Variants in SYNE1 observed in about 807,000 individuals in gnomAD.
SYNE1 encodes the protein spectrin repeat containing nuclear envelope protein 1.
A neutral mutation model predicts 1,111.0 loss-of-function variants in SYNE1; 616 were observed. The ratio of observed to expected loss-of-function variants is 0.55; its 90% CI spans 0.52 to 0.59. The LOEUF (loss-of-function observed/expected upper bound fraction) is 0.59, where lower values mean the gene tolerates loss of function less well. SYNE1 is among the 20% of genes least tolerant of loss of function. The pLI is 0.00. For missense variants in SYNE1, 10,006 were observed against 10,417.0 expected (o/e 0.96, Z 1.72); for synonymous variants, 3,855 against 3,825.8 (o/e 1.01, Z -0.28).
intron 23 of SYNE1, 113 bp from the exon 24 acceptor site, chr6:152,455,703 T>C (rs1016729151): frequency 4.1e-6 from 6 of 1,454,514 alleles, no homozygotes; most frequent in Non-Finnish European, 5.7e-6. Context: ...CATTTCATCA[T>C]CATGGGAATA....
chr6:152,220,234 G>A (rs571966552), intron 119 of SYNE1, among the ~76,000 whole-genome samples: 5 of 152,168 alleles, frequency 3.3e-5, no homozygotes, highest in East Asian at 1.9e-4. Context: ...AAAGATCCTC[G>A]TAACAAGCTC....
At chr6:152,207,083 C>T (rs1587816398) in intron 125 of SYNE1, among the ~76,000 whole-genome samples, 1 of 152,106 alleles carries the variant, frequency 6.6e-6, no homozygotes, top group African/African-American at 2.4e-5. Flanking sequence ...GGCAAGAAAT[C>T]GCGAGCACCT....
At chr6:152,414,362 T>C (rs1289481167) in intron 41 of SYNE1, among the ~76,000 whole-genome samples, 1 of 152,052 alleles carries the variant, frequency 6.6e-6, no homozygotes, top group South Asian at 2.1e-4. Flanking sequence ...TGAGCCATGA[T>C]TGCAACACTG....
intron 58 of SYNE1, chr6:152,376,069 C>T (rs2097275308): frequency 3.7e-6 from 1 of 270,706 alleles, no homozygotes; most frequent in African/African-American, 2.2e-5. Context: ...CGGGATGAAA[C>T]TGTTCTACCT....
In SYNE1 at chr6:152,326,386, T is replaced by C. The variant is rs1159849353; in HGVS notation, c.15203A>G (p.Lys5068Arg). The C allele has an allele frequency of 1.2e-6, 2 of 1,614,072 alleles. No homozygotes were observed. Among genetic ancestry groups the C allele is most frequent in the Non-Finnish European group, 1.7e-6 (2 of 1,180,036 alleles). The change falls in exon 79 of 146, where the codon AAA (lysine) becomes AGA (arginine). Residue 5068 changes from lysine to arginine, a missense_variant. Physicochemically the swap from Lys to Arg is conservative, Grantham distance 26. Around this residue, in one of 7 missense-constraint regions of SYNE1, gnomAD observed 4,955 missense variants for 5,017.2 expected, o/e 0.99. Transcript: ENST00000367255. ...TLDPLIKPTG[K>R]EDLEQKVASL... ...AGCCACTTTCTGTTCTAGGTCTTCT[T>C]TGCCGGTTGGCTTGATGAGTGGGTC...
In SYNE1 at chr6:152,396,873, T is replaced by C. The variant is rs139070088; in HGVS notation, c.7458A>G (p.Gln2486=). 1,278 of 1,614,236 alleles carry C rather than the reference T, an allele frequency of 7.9e-4. No individual in the cohort carries two copies. Among genetic ancestry groups the C allele is most frequent in the Non-Finnish European group, 9.8e-4 (1,151 of 1,180,030 alleles). ...HLSKQIVSSI[Q]EQITKANEEF... Reference sequence around the variant, plus strand: ...CTTCATTGGCCTTTGTGATTTGTTCTTGAATGCTACTGACAATTTGTTTAG... The same window carrying C: ...CTTCATTGGCCTTTGTGATTTGTTCCTGAATGCTACTGACAATTTGTTTAG... Residue 2486 remains glutamine (Q), a synonymous_variant, in exon 50 of 146, where the codon CAA becomes CAG. Transcript: ENST00000367255.
chr6:152,465,310 G>A lies in SYNE1; in HGVS notation c.1880C>T (p.Ala627Val). ...CATTTTTTCAGCATCCTCTAGCCAG[G>A]CTTGCAGACTAGCCACTGTATTGCC... The part of the protein sequence containing the change: ...RYGNTVASLQ[A>V]WLEDAEKMLN... The change falls in exon 18 of 146, where the codon GCC (alanine) becomes GTC (valine). Residue 627 changes from alanine (A) to valine (V), a missense_variant. Transcript: ENST00000367255. The A allele has an allele frequency of 6.2e-7, 1 of 1,613,724 alleles. No individual in the cohort carries two copies. Among genetic ancestry groups the A allele is most frequent in the South Asian group, 1.1e-5 (1 of 91,072 alleles).
chr6:152,326,517 G>A lies in SYNE1; in HGVS notation c.15072C>T (p.Asp5024=), dbSNP rs772100783. ...ELLQLAGNGL[D]VESAEENLKS... ...TGAGATTTTCCTCTGCGCTCTCCAC[G>A]TCTAGGCCATTGCCTGCCAGCTGTA... is the stretch of plus-strand genomic sequence containing the variant. Residue 5024 remains aspartate (D), a synonymous_variant, in exon 79 of 146, where the codon GAC becomes GAT. Coordinates refer to ENST00000367255, the MANE Select transcript of SYNE1 (RefSeq NM_182961.4). 2.4e-5 allele frequency: 39 copies of A among 1,614,028 alleles called. No homozygotes were observed. The highest frequency in any genetic ancestry group is 8.9e-5 in the East Asian group (4 of 44,880).
chr6:152,428,356 T>TCGCG lies in SYNE1; in HGVS notation c.4821_4824dup (p.Ile1609ArgfsTer68). 2 of 1,614,000 alleles carry TCGCG rather than the reference T, an allele frequency of 1.2e-6. No individual in the cohort carries two copies. On this transcript the variant is annotated frameshift_variant, in exon 37 of 146. Coordinates refer to ENST00000367255, the MANE Select transcript of SYNE1 (RefSeq NM_182961.4). LOFTEE classifies it high-confidence loss of function. ...CTGGCACTGGCTGAGAAGGCAGTGA[T>TCGCG]CGCGCTGCTCAGTGACTCCAGGGCC...
At chr6:152,253,817 G>GTTT (rs1491115589) in intron 104 of SYNE1, among the ~76,000 whole-genome samples, 3,284 of 59,124 alleles carry the variant, frequency 0.056, 1,361 homozygotes, top group South Asian at 0.079. Context: ...GTAGTGGTTT[G>GTTT]GTTTTTTTTT....
intron 98 of SYNE1, among the ~76,000 whole-genome samples, chr6:152,275,632 C>A (rs1481567766): frequency 6.6e-6 from 1 of 152,040 alleles, no homozygotes; most frequent in Non-Finnish European, 1.5e-5. Context: ...ATAATCTCAG[C>A]ACTTTGGGAG....
At position 152,161,408 on chromosome 6, in the gene SYNE1, T is replaced by C. The variant is rs370236282; in HGVS notation, c.23790+2755A>G. Among the ~76,000 whole-genome samples the C allele has an allele frequency of 8.6e-5, 13 of 151,396 alleles. No individual in the cohort carries two copies. In the East Asian group the frequency reaches 2.2e-3, roughly 25 times the overall value. ...ATTATTGTTAATTTTATTATGTTTA[T>C]GTCTATATTTCTCTCCTATTTTTCA... On this transcript the variant is annotated intron_variant, in intron 131 of 145. Coordinates refer to ENST00000367255, the MANE Select transcript of SYNE1 (RefSeq NM_182961.4).
chr6:152,253,835 T>TTG (rs1562527887), intron 104 of SYNE1, among the ~76,000 whole-genome samples: 2 of 69,550 alleles, frequency 2.9e-5, no homozygotes, highest in East Asian at 5.2e-4. Flanking sequence ...TTTTTTTTTT[T>TTG]TTTTTTTTTT....
intron 132 of SYNE1, 111 bp downstream of exon 132, chr6:152,155,799 A>AT: frequency 7.5e-7 from 1 of 1,329,396 alleles, no homozygotes; most frequent in Admixed American, 1.9e-5. Flanking sequence ...AGCCACAGCT[A>AT]TTTTTGGACA....
chr6:152,202,371 C>CAAAA (rs11350427), intron 126 of SYNE1, among the ~76,000 whole-genome samples: 7 of 110,994 alleles, frequency 6.3e-5, no homozygotes, highest in Non-Finnish European at 5.4e-5. Flanking sequence ...AAAAAAAAAG[C>CAAAA]AAAAAAAAAA....
intron 3 of SYNE1, among the ~76,000 whole-genome samples, chr6:152,560,578 C>T (rs1172710720): frequency 6.6e-6 from 1 of 152,128 alleles, no homozygotes. Context: ...CACTTCCACA[C>T]TCATTTTATA....
chr6:152,150,952 C>A (rs1047632497), intron 135 of SYNE1, among the ~76,000 whole-genome samples: 8 of 152,186 alleles, frequency 5.3e-5, no homozygotes, highest in African/African-American at 1.9e-4. Flanking sequence ...TGGCTCACAC[C>A]TGTAATCCCA....
chr6:152,599,489 A>C lies in SYNE1; in HGVS notation c.67+28776T>G, dbSNP rs186221126. On this transcript the variant is annotated intron_variant, in intron 3 of 145. Transcript: ENST00000367255. ...AAGGAATAACGACAAAAGAACAATA[A>C]ATGCTTGGAATTAGTGCTGTGGACA... Among the ~76,000 whole-genome samples, 51 of 152,284 alleles carry C rather than the reference A, an allele frequency of 3.3e-4. No homozygotes were observed. In the East Asian group the frequency reaches 9.1e-3, roughly 27 times the overall value.
intron 90 of SYNE1, among the ~76,000 whole-genome samples, chr6:152,309,168 T>C (rs1473763959): frequency 6.6e-6 from 1 of 152,150 alleles, no homozygotes; most frequent in Non-Finnish European, 1.5e-5. Flanking sequence ...AACAAAAGTA[T>C]ATACACATAT....
Sources: allele counts gnomAD v4.1 joint callset (sites outside exome capture counted in the v4.1 genomes callset), GRCh38; gene constraint gnomAD v4.1.1; regional missense constraint gnomAD v4.1.1; transcripts MANE v1.5; gene names NCBI Gene and HGNC (gene_info 2026-07-23, HGNC 2026-07-21).